The following PCNX3 variants were observed in gnomAD, a reference collection of about 807,000 sequenced individuals.
The protein encoded by PCNX3 is pecanex-like protein 3.
PCNX3 carries 58 observed loss-of-function variants against 207.2 expected under a neutral mutation model. The observed-to-expected ratio is 0.28, with a 90% CI of 0.23 to 0.35. The LOEUF is 0.35. Among genes scored for constraint, PCNX3 ranks in the 10% least tolerant of loss-of-function variants. The pLI is 1.00. For synonymous variants in PCNX3, 1,337 were observed against 1,183.5 expected (o/e 1.13, Z -2.66); for missense variants, 2,410 against 2,774.4 (o/e 0.87, Z 2.95).
At chr11:65,624,715 T>A in intron 15 of PCNX3, 134 bp downstream of exon 15, 1 of 960,800 alleles carries the variant, frequency 1.0e-6, no homozygotes, top group South Asian at 1.6e-5. Flanking sequence ...TTCTGCCTTC[T>A]CCCCTCTCCT....
rs751200051 is a variant in PCNX3, at chr11:65,616,335, C to T, written c.24C>T (p.Ile8=). Residue 8 remains isoleucine (I), a synonymous_variant, in exon 1 of 35, where the codon ATC becomes ATT. Coordinates refer to ENST00000355703, the MANE Select transcript of PCNX3 (RefSeq NM_032223.4). MGSQVLQ[I]LRQGVWASLT... is the part of the protein sequence containing the mutation. ...CCATGGGGTCGCAGGTGTTGCAGAT[C>T]CTGCGCCAGGGGGTGTGGGCCTCGC... 10 of 1,601,482 alleles carry T rather than the reference C, an allele frequency of 6.2e-6. No homozygotes were observed. The highest frequency in any genetic ancestry group is 4.2e-6 in the Non-Finnish European group (5 of 1,176,896).
chr11:65,616,305 C>T lies in PCNX3; in HGVS notation c.-7C>T, dbSNP rs1343246947. ...GGAGGGGGGGCGCGGGCAGCAGCGG[C>T]GGGGCCATGGGGTCGCAGGTGTTGC... On this transcript the variant is annotated 5_prime_UTR_variant, in exon 1 of 35. Transcript: ENST00000355703. 2.5e-6 allele frequency: 4 copies of T among 1,568,860 alleles called. No individual in the cohort carries two copies. Among genetic ancestry groups the T allele is most frequent in the East Asian group, 2.4e-5 (1 of 42,028 alleles).
chr11:65,616,680 T>C (rs1854748251), intron 1 of PCNX3, 144 bp from the exon 2 acceptor site: 2 of 1,019,018 alleles, frequency 2.0e-6, no homozygotes, highest in Non-Finnish European at 2.8e-6. Flanking sequence ...ACAGAGCCCT[T>C]TGTCGAGGTC....
chr11:65,636,372 T>C lies in PCNX3; in HGVS notation c.5594-19T>C. ...TGCAGCCCAGCTGAGGCCTCTGCTG[T>C]CTTATCTGTCTCCTACAGGCAATGG... On this transcript the variant is annotated intron_variant, in intron 33 of 34. Coordinates refer to ENST00000355703, the MANE Select transcript of PCNX3 (RefSeq NM_032223.4). The C allele has an allele frequency of 6.3e-7, 1 of 1,580,100 alleles. No homozygotes were observed. Among genetic ancestry groups the C allele is most frequent in the Non-Finnish European group, 8.6e-7 (1 of 1,162,848 alleles).
rs1473141408 is a variant in PCNX3 at position 65,636,293 on chromosome 11, C to T, written c.5579C>T (p.Pro1860Leu). The stretch of plus-strand genomic sequence containing the variant: ...AACCCCCCCGTGGCACACCCCACAC[C>T]TGAGAACACGGCAGGTGAGCAGGCG... ...SNNPPVAHPT[P>L]ENTAGNGDQP... The change falls in exon 33 of 35, where the codon CCT becomes CTT. Residue 1860 changes from proline to leucine, a missense_variant. Pro to Leu is a moderately conservative substitution (Grantham distance 98). Coordinates refer to ENST00000355703, the MANE Select transcript of PCNX3 (RefSeq NM_032223.4). 1.9e-6 allele frequency: 3 copies of T among 1,610,048 alleles called. No individual in the cohort carries two copies. Among genetic ancestry groups the T allele is most frequent in the African/African-American group, 1.3e-5 (1 of 74,830 alleles).
chr11:65,626,862 G>T (rs1247562000), intron 20 of PCNX3, 42 bp from the exon 21 acceptor site: 3 of 1,562,698 alleles, frequency 1.9e-6, no homozygotes, highest in Non-Finnish European at 2.6e-6. Context: ...GGGAAGGCAG[G>T]CATGTGGAAG....
At chr11:65,620,460 T>A (rs771841815) in intron 9 of PCNX3, 31 bp downstream of exon 9, 1 of 1,603,948 alleles carries the variant, frequency 6.2e-7, no homozygotes, top group East Asian at 2.2e-5. Flanking sequence ...TCCCAAGCCA[T>A]TGTCTTGGTG....
At position 65,616,986 on chromosome 11, in the gene PCNX3, G is replaced by C; in HGVS notation, c.316G>C (p.Ala106Pro). 1 of 1,611,892 alleles carries C rather than the reference G, an allele frequency of 6.2e-7. No individual in the cohort carries two copies. The highest frequency in any genetic ancestry group is 8.5e-7 in the Non-Finnish European group (1 of 1,179,368). ...STMGELEEEP[A>P]QGDSNPPRDP... The stretch of plus-strand genomic sequence containing the variant: ...CATGGGGGAGCTGGAGGAAGAGCCT[G>C]CCCAGGGGGACAGCAATCCACCCAG... Residue 106 changes from alanine (A) to proline (P), a missense_variant, in exon 2 of 35, where the codon GCC becomes CCC. Physicochemically the swap from Ala to Pro is conservative, Grantham distance 27. Transcript: ENST00000355703.
intron 20 of PCNX3, chr11:65,626,331 G>A: frequency 4.8e-6 from 3 of 620,828 alleles, no homozygotes; most frequent in Non-Finnish European, 6.0e-6. Context: ...TAGAACCCCA[G>A]GGCCCTGAAG....
Position 65,617,976 on chromosome 11 carries a change from C to T in PCNX3, c.614C>T (p.Pro205Leu). The change falls in exon 6 of 35, where the codon CCA becomes CTA. Residue 205 changes from proline to leucine, a missense_variant. Transcript: ENST00000355703. ...CCCCAGACGCCTCCAGGGGCTGTCC[C>T]AGACCCCTCTCTTGCCAGTACAGAC... The part of the protein sequence containing the change: ...DLPQTPPGAV[P>L]DPSLASTDSS... 1 of 1,607,800 alleles carries T rather than the reference C, an allele frequency of 6.2e-7. No homozygotes were observed. Among genetic ancestry groups the T allele is most frequent in the Non-Finnish European group, 8.5e-7 (1 of 1,176,924 alleles).
intron 22 of PCNX3, among the ~76,000 whole-genome samples, chr11:65,628,200 G>A (rs1079185): frequency 0.034 from 5,196 of 152,286 alleles, 291 homozygotes; most frequent in African/African-American, 0.12. Flanking sequence ...CTGAGGGCAG[G>A]GCCTGTGGCT....
chr11:65,617,681 G>T lies in PCNX3; in HGVS notation c.552G>T (p.Leu184=), dbSNP rs1429192601. Residue 184 remains leucine, a synonymous_variant, in exon 5 of 35, where the codon CTG becomes CTT. Coordinates refer to ENST00000355703, the MANE Select transcript of PCNX3 (RefSeq NM_032223.4). ...VIVTSADREM[L]KLSSQEKLIG... ...TGACTTCTGCCGACCGAGAGATGCT[G>T]AAGCTCAGCTCGCAGGAGAAACTGA... 1.9e-6 allele frequency: 3 copies of T among 1,577,280 alleles called. No homozygotes were observed. The highest frequency in any genetic ancestry group is 2.6e-6 in the Non-Finnish European group (3 of 1,161,402).
intron 8 of PCNX3, 131 bp downstream of exon 8, chr11:65,620,063 A>G (rs1855003344): frequency 6.7e-6 from 7 of 1,043,636 alleles, no homozygotes; most frequent in Non-Finnish European, 8.1e-6. Flanking sequence ...TCATCCTTGC[A>G]GCCTCTTTGA....
Position 65,635,339 on chromosome 11 carries a change from T to G in PCNX3, c.5075T>G (p.Leu1692Arg). 6.2e-7 allele frequency: 1 copy of G among 1,609,042 alleles called. No homozygotes were observed. ...EGDPAWRSAI[L>R]SNTPSLLALR... is the part of the protein sequence containing the mutation. ...GACCCAGCATGGCGCAGCGCCATCC[T>G]CAGCAACACGCCCTCCCTGCTGGCG... The change falls in exon 31 of 35, where the codon CTC (leucine) becomes CGC (arginine). Residue 1692 changes from leucine to arginine, a missense_variant. Transcript: ENST00000355703. The surrounding 1 kb of genome is among the most constrained non-coding windows in gnomAD (Gnocchi z 9.9).
Position 65,634,558 on chromosome 11 carries a change from C to T in PCNX3, c.4722C>T (p.Asn1574=). 6.2e-7 allele frequency: 1 copy of T among 1,600,984 alleles called. No individual in the cohort carries two copies. Residue 1574 remains asparagine, a synonymous_variant, in exon 29 of 35, where the codon AAC becomes AAT. Coordinates refer to ENST00000355703, the MANE Select transcript of PCNX3 (RefSeq NM_032223.4). ...RRSQPVDQDW[N]SPLVTLCFGL... is the part of the protein sequence containing the mutation. ...CACAGCCCGTGGACCAGGATTGGAA[C>T]TCCCCGCTGGTCACGCTGTGTTTTG...
intron 6 of PCNX3, 48 bp downstream of exon 6, chr11:65,619,115 C>T: frequency 2.7e-6 from 4 of 1,475,134 alleles, no homozygotes; most frequent in Non-Finnish European, 3.7e-6. Context: ...GAGCTACGGG[C>T]TTGGGGTTGG....
chr11:65,629,106 C>T (rs960603303), intron 24 of PCNX3, among the ~76,000 whole-genome samples, 158 bp downstream of exon 24: 5 of 152,210 alleles, frequency 3.3e-5, no homozygotes, highest in African/African-American at 7.2e-5. Context: ...CAGGGAGAGC[C>T]TGCACCAGGC....
At position 65,629,667 on chromosome 11, in the gene PCNX3, C is replaced by T. The variant is rs1419093358; in HGVS notation, c.4148C>T (p.Ala1383Val). The T allele has an allele frequency of 1.3e-6, 2 of 1,579,364 alleles. No individual in the cohort carries two copies. The highest frequency in any genetic ancestry group is 2.7e-5 in the African/African-American group (2 of 74,258). The change falls in exon 26 of 35, where the codon GCC becomes GTC. Residue 1383 changes from alanine (A) to valine (V), a missense_variant. Physicochemically the swap from Ala to Val is moderately conservative, Grantham distance 64. This residue lies in a region of PCNX3 where 420 missense variants were observed against 705.3 expected (regional missense o/e 0.60). Coordinates refer to ENST00000355703, the MANE Select transcript of PCNX3 (RefSeq NM_032223.4). ...CFVLASDYLN[A>V]LVHLIEVGNG... ...GTCCTGGCCTCTGACTACCTCAACG[C>T]CCTGGTGCACCTCATCGAGGTTGGC...
chr11:65,636,632 A>T lies in PCNX3; in HGVS notation c.5835A>T (p.Gly1945=), dbSNP rs1590911538. 7 of 1,586,332 alleles carry T rather than the reference A, an allele frequency of 4.4e-6. No homozygotes were observed. The highest frequency in any genetic ancestry group is 1.8e-5 in the Admixed American group (1 of 54,488). Residue 1945 remains glycine (G), a synonymous_variant, in exon 34 of 35, where the codon GGA becomes GGT. Coordinates refer to ENST00000355703, the MANE Select transcript of PCNX3 (RefSeq NM_032223.4). ...GCCTGGGGGGCCGGAAGGGGCTGGG[A>T]GGATCTGACGGGGAGCCAGCCTCAG... is the stretch of plus-strand genomic sequence containing the variant. ...KWSLGGRKGL[G]GSDGEPASGS...
Sources: allele counts gnomAD v4.1 joint callset (sites outside exome capture counted in the v4.1 genomes callset), GRCh38; gene constraint gnomAD v4.1.1; regional missense constraint gnomAD v4.1.1; non-coding constraint Gnocchi (gnomAD v3.1); transcripts MANE v1.5; gene names NCBI Gene and HGNC (gene_info 2026-07-23, HGNC 2026-07-21).